Variants in HNRNPAB observed in about 807,000 individuals in gnomAD.
The protein encoded by HNRNPAB is ABBP-1.
A neutral mutation model predicts 44.1 loss-of-function variants in HNRNPAB; 17 were observed. That is an observed-to-expected ratio of 0.39 (90% CI 0.26 to 0.58). The LOEUF (loss-of-function observed/expected upper bound fraction) is 0.58, where lower values mean the gene tolerates loss of function less well. Among genes scored for constraint, HNRNPAB ranks in the 20% least tolerant of loss-of-function variants. The probability of loss-of-function intolerance (pLI) is 0.63; values close to 1 mark genes in which losing one functional copy is unlikely to be tolerated. For missense variants in HNRNPAB, 393 were observed against 432.7 expected (o/e 0.91, Z 0.81); for synonymous variants, 183 against 167.6 (o/e 1.09, Z -0.71).
chr5:178,206,483 C>CA (rs1757064143), intron 3 of HNRNPAB, among the ~76,000 whole-genome samples: 1 of 152,198 alleles, frequency 6.6e-6, no homozygotes, highest in South Asian at 2.1e-4. Flanking sequence ...AGATGGGCCT[C>CA]ACGCTGGGAC....
At chr5:178,205,111 A>G in intron 2 of HNRNPAB, 65 bp downstream of exon 2, 2 of 1,037,754 alleles carry the variant, frequency 1.9e-6, no homozygotes, top group Non-Finnish European at 1.2e-6. Flanking sequence ...TGTTGGCGCC[A>G]CGCGGCGGGG....
At chr5:178,205,700 G>GA in intron 2 of HNRNPAB, 142 bp from the exon 3 acceptor site, 1 of 730,792 alleles carries the variant, frequency 1.4e-6, no homozygotes, top group Non-Finnish European at 2.3e-6. Flanking sequence ...GGGTAGTGGA[G>GA]ATTTAACATC....
At chr5:178,207,843 C>T (rs148682959) in intron 5 of HNRNPAB, among the ~76,000 whole-genome samples, 1 of 152,144 alleles carries the variant, frequency 6.6e-6, no homozygotes, top group East Asian at 1.9e-4. Context: ...GCTGGGACCA[C>T]AGGCATGTAC....
chr5:178,205,788 A>AATC (rs1757033901), intron 2 of HNRNPAB, 54 bp from the exon 3 acceptor site: 1 of 1,575,026 alleles, frequency 6.3e-7, no homozygotes, highest in Non-Finnish European at 8.6e-7. Context: ...TCCTTTCCAA[A>AATC]ATCACAGCTT....
In HNRNPAB at chr5:178,210,140, CAGAGTT is replaced by C; in HGVS notation, c.797_802del (p.Gln266_Trp268delinsArg). 1 of 1,614,114 alleles carries C rather than the reference CAGAGTT, an allele frequency of 6.2e-7. No homozygotes were observed. Among genetic ancestry groups the C allele is most frequent in the Non-Finnish European group, 8.5e-7 (1 of 1,179,980 alleles). On this transcript the variant is annotated inframe_deletion, in exon 7 of 8. Coordinates refer to ENST00000358344, the MANE Select transcript of HNRNPAB (RefSeq NM_031266.3). ...CCCTGCTCCCCCCACAGGTCAGAGT[CAGAGTT>C]GGAATCAGGGCTACGGCAACTACTG...
chr5:178,210,395 T>G, intron 7 of HNRNPAB, 123 bp downstream of exon 7: 1 of 1,565,342 alleles, frequency 6.4e-7, no homozygotes, highest in South Asian at 1.1e-5. Flanking sequence ...CCATGGGAGC[T>G]ACTTGATTTT....
intron 6 of HNRNPAB, 58 bp downstream of exon 6, chr5:178,209,505 A>G (rs2113595247): frequency 6.8e-7 from 1 of 1,478,534 alleles, no homozygotes; most frequent in Non-Finnish European, 9.4e-7. Flanking sequence ...GAGCCTTCCA[A>G]GCCTGTCTTG....
intron 4 of HNRNPAB, 86 bp downstream of exon 4, chr5:178,206,976 T>C (rs1757091531): frequency 6.3e-7 from 1 of 1,587,800 alleles, no homozygotes; most frequent in South Asian, 1.1e-5. Context: ...GGCTAGACCC[T>C]CCCAGGCAGG....
Position 178,206,026 on chromosome 5 carries a change from G to A in HNRNPAB, c.378+16G>A. 6.2e-7 allele frequency: 1 copy of A among 1,604,670 alleles called. No homozygotes were observed. ...TGTGGAGAAGGTAAGCTGGGTACTG[G>A]ATTTCAGCAGTCTCAGTGGAAACGA... is the stretch of plus-strand genomic sequence containing the variant. On this transcript the variant is annotated intron_variant, in intron 3 of 7. Coordinates refer to ENST00000358344, the MANE Select transcript of HNRNPAB (RefSeq NM_031266.3).
Position 178,210,811 on chromosome 5 carries a change from G to A in HNRNPAB, c.*188G>A, listed in dbSNP as rs1418834534. ...CCAGAGCTCTAGGTGTTTAGGCAGC[G>A]TGTGGTGTCTGAGAGGCCATAGCGC... On this transcript the variant is annotated 3_prime_UTR_variant, in exon 8 of 8. Coordinates refer to ENST00000358344, the MANE Select transcript of HNRNPAB (RefSeq NM_031266.3). The A allele has an allele frequency of 2.0e-5, 12 of 610,828 alleles. No homozygotes were observed. Among genetic ancestry groups the A allele is most frequent in the African/African-American group, 5.5e-5 (3 of 54,236 alleles). The allele number at this position is 610,828 out of a possible 1,614,324, so 37.8% of individuals were successfully genotyped here.
intron 6 of HNRNPAB, 82 bp downstream of exon 6, chr5:178,209,529 T>C: frequency 1.6e-6 from 2 of 1,231,256 alleles, no homozygotes; most frequent in Non-Finnish European, 1.2e-6. Context: ...CTCCCTCTGG[T>C]GCTGTGCAGC....
chr5:178,210,413 A>C, intron 7 of HNRNPAB, 140 bp from the exon 8 acceptor site: 2 of 1,540,800 alleles, frequency 1.3e-6, no homozygotes, highest in Non-Finnish European at 1.8e-6. Flanking sequence ...TTTGAGCCTT[A>C]GACTTCGGGG....
intron 6 of HNRNPAB, 139 bp downstream of exon 6, chr5:178,209,586 C>T (rs73351260): frequency 0.094 from 66,749 of 706,498 alleles, 4,125 homozygotes; most frequent in African/African-American, 0.24. Flanking sequence ...GGAATAGGAA[C>T]GGCTCTGGGT....
At chr5:178,205,190 GCCGGGCCTGGCGCTGCC>G (rs1263831311) in intron 2 of HNRNPAB, 144 bp downstream of exon 2, 11 of 494,898 alleles carry the variant, frequency 2.2e-5, no homozygotes, top group Non-Finnish European at 2.9e-5. Context: ...GCGTTCGCGG[GCCGGGCCTGGCGCTGCC>G]ACTCGCGCTG....
Position 178,210,650 on chromosome 5 carries a change from C to T in HNRNPAB, c.*27C>T, listed in dbSNP as rs569849823. 6.2e-5 allele frequency: 97 copies of T among 1,564,770 alleles called. No homozygotes were observed. Among genetic ancestry groups the T allele is most frequent in the Admixed American group, 3.2e-4 (19 of 59,982 alleles). ...GCGGCAGCAGGAGCGACCAACTGAT[C>T]GCACACATGCTTTGTTTGGATATGG... On this transcript the variant is annotated 3_prime_UTR_variant, in exon 8 of 8. Transcript: ENST00000358344.
At chr5:178,208,954 G>A (rs1172636406) in intron 5 of HNRNPAB, 2 of 189,684 alleles carry the variant, frequency 1.1e-5, no homozygotes, top group Non-Finnish European at 2.2e-5. Flanking sequence ...CATTGTCTAA[G>A]GCCCCTCATC....
intron 5 of HNRNPAB, among the ~76,000 whole-genome samples, chr5:178,208,180 G>T (rs12514956): frequency 0.07 from 10,654 of 152,268 alleles, 498 homozygotes; most frequent in East Asian, 0.18. Context: ...GGAGTTGAGG[G>T]TGCGGCCTGC....
intron 5 of HNRNPAB, chr5:178,208,621 C>G (rs1226197858): frequency 6.6e-6 from 1 of 152,178 alleles, no homozygotes; most frequent in Admixed American, 6.5e-5. Flanking sequence ...GTGTGCATGT[C>G]AGGATTTTCT....
At position 178,204,936 on chromosome 5, in the gene HNRNPAB, C is replaced by T; in HGVS notation, c.99C>T (p.Gly33=). The change falls in exon 2 of 8, where the codon GGC becomes GGT. Residue 33 remains glycine (G), a synonymous_variant. Coordinates refer to ENST00000358344, the MANE Select transcript of HNRNPAB (RefSeq NM_031266.3). ...AAGGCGAGTCGCCGGCCGGGGCTGG[C>T]ACGGGCGCCGCGGCGGGGGCTGGAG... ...VPEGESPAGA[G]TGAAAGAGGA... 8.3e-7 allele frequency: 1 copy of T among 1,210,580 alleles called. No homozygotes were observed. Among genetic ancestry groups the T allele is most frequent in the Non-Finnish European group, 1.0e-6 (1 of 974,324 alleles). The allele number at this position is 1,210,580 out of a possible 1,614,324, so 75.0% of individuals were successfully genotyped here.
Sources: gnomAD v4.1 joint callset for allele counts (sites outside exome capture counted in the v4.1 genomes callset) on GRCh38, gnomAD v4.1.1 for gene constraint, MANE v1.5 for transcripts, NCBI Gene and HGNC (gene_info 2026-07-23, HGNC 2026-07-21) for gene names.